ADAM18: variants seen among roughly 807,000 people sequenced by gnomAD.
ADAM18 encodes disintegrin and metalloproteinase domain-containing protein 18.
In ADAM18, 117 loss-of-function variants were observed where a neutral mutation model predicts 94.4. That is an observed-to-expected ratio of 1.24 (90% CI 1.07 to 1.45). ADAM18 has a LOEUF of 1.45. ADAM18 is among the 40% of genes most tolerant of loss of function. The pLI is 0.00. For missense variants in ADAM18, 936 were observed against 880.0 expected (o/e 1.06, Z -0.81); for synonymous variants, 327 against 291.6 (o/e 1.12, Z -1.24).
At chr8:39,637,019 TTATATATATATATATATATATATATATA>T (rs35248371) in intron 7 of ADAM18, among the ~76,000 whole-genome samples, 18 of 54,852 alleles carry the variant, frequency 3.3e-4, no homozygotes, top group East Asian at 3.0e-3. Flanking sequence ...TGTGTGTATT[TTATATATATATATATATATATATATATA>T]TATATATATA....
chr8:39,719,042 C>T (rs1822667843), intron 18 of ADAM18, among the ~76,000 whole-genome samples: 1 of 149,386 alleles, frequency 6.7e-6, no homozygotes, highest in Non-Finnish European at 1.5e-5. Flanking sequence ...GTTAAAATGA[C>T]TTTGAAAAAA....
rs1411280643 is a variant in ADAM18, at chr8:39,629,364, T to A, written c.523-10T>A. On this transcript the variant is annotated splice_polypyrimidine_tract_variant and intron_variant, in intron 6 of 19. Coordinates refer to ENST00000265707, the MANE Select transcript of ADAM18 (RefSeq NM_014237.3). ...AACATTTTATAAATCCCGTTGTTGT[T>A]GTTTTCCAGATAAAAAATCTTTCAA... 1.9e-6 allele frequency: 3 copies of A among 1,549,366 alleles called. No individual in the cohort carries two copies. The African/African-American group carries it at 4.2e-5, about 22-fold the overall frequency.
At chr8:39,669,147 TTAAA>T (rs1268849547) in intron 14 of ADAM18, among the ~76,000 whole-genome samples, 1 of 151,862 alleles carries the variant, frequency 6.6e-6, no homozygotes, top group South Asian at 2.1e-4. Flanking sequence ...AAAGGTAAAA[TTAAA>T]TAATACTTTC....
chr8:39,670,885 A>AT (rs1821135019), intron 14 of ADAM18, among the ~76,000 whole-genome samples: 2 of 152,306 alleles, frequency 1.3e-5, no homozygotes, highest in African/African-American at 4.8e-5. Context: ...ACATGCAATG[A>AT]TTACGTGAGG....
chr8:39,673,480 C>T (rs185858178), intron 14 of ADAM18, among the ~76,000 whole-genome samples: 2 of 152,088 alleles, frequency 1.3e-5, no homozygotes, highest in Admixed American at 6.6e-5. Context: ...ACCCCACCCC[C>T]CAACAAGCCC....
In ADAM18 at chr8:39,661,154, C is replaced by CTT. The variant is rs34697066; in HGVS notation, c.1231-2624_1231-2623dup. On this transcript the variant is annotated intron_variant, in intron 12 of 19. Transcript: ENST00000265707. ...CAAAAAACAACTGTTTCTTCTTCTTCTTTTTTTTTTTTTTTTTTGAGGGAG... is the reference window on the plus strand; with the variant it reads ...CAAAAAACAACTGTTTCTTCTTCTTCTTTTTTTTTTTTTTTTTTTTGAGGGAG... 8.1e-3 allele frequency among the ~76,000 whole-genome samples: 951 copies of CTT among 116,730 alleles called. 22 individuals carry two copies. Among genetic ancestry groups the CTT allele is most frequent in the African/African-American group, 0.024 (720 of 30,426 alleles). 76.6% of individuals were successfully genotyped at this position (116,730 alleles called of 152,430 possible).
chr8:39,683,906 A>G (rs759381887), intron 16 of ADAM18, among the ~76,000 whole-genome samples: 6 of 152,180 alleles, frequency 3.9e-5, no homozygotes, highest in Admixed American at 1.3e-4. Flanking sequence ...AAACACCAAG[A>G]TGGGAGGATC....
At chr8:39,705,146 T>G (rs780279802) in intron 17 of ADAM18, among the ~76,000 whole-genome samples, 26 of 152,182 alleles carry the variant, frequency 1.7e-4, no homozygotes, top group Non-Finnish European at 2.8e-4. Context: ...AAGAGTCTGA[T>G]GCTATATTTA....
At chr8:39,708,416 AAC>A (rs1822299194) in intron 18 of ADAM18, among the ~76,000 whole-genome samples, 1 of 152,220 alleles carries the variant, frequency 6.6e-6, no homozygotes, top group African/African-American at 2.4e-5. Context: ...TATTATTACA[AAC>A]TCTGTAGGCT....
rs574856222 is a variant in ADAM18 at position 39,585,153 on chromosome 8, A to G, written c.56-123A>G. Reference sequence around the variant, plus strand: ...TGTGGACTAGAAAGAGTGTGAGCACATGAGAGAACTTCTACTTAAAATTTT... The same window carrying G: ...TGTGGACTAGAAAGAGTGTGAGCACGTGAGAGAACTTCTACTTAAAATTTT... On this transcript the variant is annotated intron_variant, in intron 1 of 19. Coordinates refer to ENST00000265707, the MANE Select transcript of ADAM18 (RefSeq NM_014237.3). 1.5e-4 allele frequency: 97 copies of G among 665,780 alleles called. No homozygotes were observed. In the East Asian group the frequency reaches 2.3e-3, roughly 16 times the overall value. 41.2% of individuals were successfully genotyped at this position (665,780 alleles called of 1,614,324 possible). A position where few individuals can be genotyped will look rare whatever the true frequency, so the allele number is the denominator to read the frequency against.
chr8:39,647,398 G>A (rs751115568), intron 11 of ADAM18, among the ~76,000 whole-genome samples: 14 of 152,122 alleles, frequency 9.2e-5, no homozygotes, highest in South Asian at 2.1e-4. Flanking sequence ...AACATGTCTC[G>A]CCTCCCGCCA....
In ADAM18 at chr8:39,608,391, G is replaced by A. The variant is rs143256970; in HGVS notation, c.189-651G>A. Among the ~76,000 whole-genome samples, 432 of 151,606 alleles carry A rather than the reference G, an allele frequency of 2.8e-3. 5 individuals are homozygous for A. Among genetic ancestry groups the A allele is most frequent in the African/African-American group, 9.9e-3 (409 of 41,320 alleles). Reference sequence around the variant, plus strand: ...TTTATCTGCTCAAACCCTCCAATGCGTCTCATCTCTGTGACACTGTCTCTT... The same window carrying A: ...TTTATCTGCTCAAACCCTCCAATGCATCTCATCTCTGTGACACTGTCTCTT... On this transcript the variant is annotated intron_variant, in intron 3 of 19. Coordinates refer to ENST00000265707, the MANE Select transcript of ADAM18 (RefSeq NM_014237.3).
intron 3 of ADAM18, among the ~76,000 whole-genome samples, chr8:39,607,742 A>G (rs78195607): frequency 7.7e-6 from 1 of 130,416 alleles, no homozygotes; most frequent in Non-Finnish European, 1.7e-5. Flanking sequence ...TCCTTTCTCT[A>G]TTTTTTTTTT....
rs771484358 is a variant in ADAM18, at chr8:39,645,475, G to A, written c.1046+1G>A. 1 of 1,600,156 alleles carries A rather than the reference G, an allele frequency of 6.2e-7. No homozygotes were observed. Among genetic ancestry groups the A allele is most frequent in the South Asian group, 1.1e-5 (1 of 87,400 alleles). On this transcript the variant is annotated splice_donor_variant, in intron 11 of 19. Coordinates refer to ENST00000265707, the MANE Select transcript of ADAM18 (RefSeq NM_014237.3). LOFTEE classifies it high-confidence loss of function. ...CATGCATCATGAATCATGAAGCAGT[G>A]TAAGATGTTTTCTTAATTAATTTCA...
At chr8:39,666,062 G>C (rs1349531043) in intron 13 of ADAM18, among the ~76,000 whole-genome samples, 1 of 152,010 alleles carries the variant, frequency 6.6e-6, no homozygotes, top group Non-Finnish European at 1.5e-5. Flanking sequence ...GTTTGAGACA[G>C]GGTCTGGCTC....
chr8:39,631,223 C>A lies in ADAM18; in HGVS notation c.588+1784C>A, dbSNP rs890201156. ...ATTCTGAACCACAGTTAATTTAAGT[C>A]CAATTTATGTTTTCTTAATTTCCTT... On this transcript the variant is annotated intron_variant, in intron 7 of 19. Coordinates refer to ENST00000265707, the MANE Select transcript of ADAM18 (RefSeq NM_014237.3). Among the ~76,000 whole-genome samples, 13 of 151,878 alleles carry A rather than the reference C, an allele frequency of 8.6e-5. No individual in the cohort carries two copies. In the South Asian group the frequency reaches 2.1e-3, roughly 24 times the overall value.
intron 10 of ADAM18, among the ~76,000 whole-genome samples, chr8:39,640,272 T>C (rs1209064031): frequency 6.6e-6 from 1 of 152,070 alleles, no homozygotes; most frequent in Non-Finnish European, 1.5e-5. Context: ...TAAGTGAGAA[T>C]ATGTGGTATT....
At chr8:39,600,025 G>A (rs529927101) in intron 2 of ADAM18, among the ~76,000 whole-genome samples, 4 of 151,908 alleles carry the variant, frequency 2.6e-5, no homozygotes, top group Non-Finnish European at 5.9e-5. Flanking sequence ...GGATGCATTC[G>A]ATTATTCACC....
intron 6 of ADAM18, among the ~76,000 whole-genome samples, chr8:39,619,384 TG>T (rs1819540276): frequency 6.6e-6 from 1 of 152,348 alleles, no homozygotes; most frequent in Non-Finnish European, 1.5e-5. Flanking sequence ...CAACTGCTTA[TG>T]GAGCATTCTC....
Sources: gnomAD v4.1 joint callset for allele counts (sites outside exome capture counted in the v4.1 genomes callset) on GRCh38, gnomAD v4.1.1 for gene constraint, MANE v1.5 for transcripts, NCBI Gene and HGNC (gene_info 2026-07-23, HGNC 2026-07-21) for gene names.